ATP8B4: variants seen among roughly 807,000 people sequenced by gnomAD.
The protein encoded by ATP8B4 is probable phospholipid-transporting ATPase IM.
A neutral mutation model predicts 145.6 loss-of-function variants in ATP8B4; 133 were observed. That is an observed-to-expected ratio of 0.91 (90% CI 0.79 to 1.05). The LOEUF (loss-of-function observed/expected upper bound fraction) is 1.05, where lower values mean the gene tolerates loss of function less well. ATP8B4 is among the 50% of genes least tolerant of loss of function. The pLI, the probability that ATP8B4 is intolerant of heterozygous loss-of-function variation, is 0.00. For synonymous variants in ATP8B4, 507 were observed against 492.9 expected, an observed-to-expected ratio of 1.03 and a Z score of -0.38; for missense variants, 1,458 against 1,425.2, an observed-to-expected ratio of 1.02 and a Z score of -0.37.
At chr15:50,057,008 G>C (rs1439060910) in intron 3 of ATP8B4, among the ~76,000 whole-genome samples, 1 of 152,040 alleles carries the variant, frequency 6.6e-6, no homozygotes, top group South Asian at 2.1e-4. Flanking sequence ...TTACAGGTAT[G>C]AGCCACCACA....
At chr15:50,085,909 ATT>A (rs1491485325) in intron 2 of ATP8B4, among the ~76,000 whole-genome samples, 57 of 99,938 alleles carry the variant, frequency 5.7e-4, no homozygotes, top group African/African-American at 1.2e-3. Flanking sequence ...TATCATATAT[ATT>A]TATATATGAT....
chr15:49,992,602 G>C (rs1030864048), intron 9 of ATP8B4, among the ~76,000 whole-genome samples: 1 of 152,144 alleles, frequency 6.6e-6, no homozygotes, highest in African/African-American at 2.4e-5. Context: ...GGAGTCCCCA[G>C]TGGGAACTTC....
chr15:49,948,142 A>C (rs2042737865), intron 14 of ATP8B4, among the ~76,000 whole-genome samples: 1 of 152,144 alleles, frequency 6.6e-6, no homozygotes, highest in Admixed American at 6.5e-5. Context: ...ATCAAATGTA[A>C]AAGTCTCTGC....
At chr15:50,157,211 T>C (rs2044432928) in intron 1 of ATP8B4, among the ~76,000 whole-genome samples, 1 of 152,144 alleles carries the variant, frequency 6.6e-6, no homozygotes. Context: ...AGAAAGTTTT[T>C]TTTACCATCC....
intron 20 of ATP8B4, among the ~76,000 whole-genome samples, chr15:49,906,924 A>G (rs2038688991): frequency 6.6e-6 from 1 of 152,206 alleles, no homozygotes; most frequent in Non-Finnish European, 1.5e-5. Context: ...CCATGTGGCT[A>G]ATGGAATCCT....
intron 1 of ATP8B4, among the ~76,000 whole-genome samples, chr15:50,117,625 C>T (rs1283593749): frequency 6.6e-6 from 1 of 152,124 alleles, no homozygotes; most frequent in Non-Finnish European, 1.5e-5. Flanking sequence ...AACAGATCCA[C>T]CATATGATCC....
chr15:49,931,034 C>T, intron 16 of ATP8B4, 85 bp downstream of exon 16: 1 of 1,421,880 alleles, frequency 7.0e-7, no homozygotes. Flanking sequence ...ACCCTCAGCA[C>T]ATAGCCAAAA....
intron 10 of ATP8B4, among the ~76,000 whole-genome samples, chr15:49,984,351 A>G (rs1313550873): frequency 6.6e-6 from 1 of 152,244 alleles, no homozygotes; most frequent in Non-Finnish European, 1.5e-5. Flanking sequence ...AATAGATGAC[A>G]CATTGAACAA....
At chr15:49,957,667 A>G (rs1392874405) in intron 14 of ATP8B4, among the ~76,000 whole-genome samples, 1 of 152,088 alleles carries the variant, frequency 6.6e-6, no homozygotes, top group African/African-American at 2.4e-5. Flanking sequence ...CAGGCCAAGA[A>G]GAATTGAATG....
chr15:50,018,876 T>C (rs2049308451), intron 6 of ATP8B4: 2 of 1,156,750 alleles, frequency 1.7e-6, no homozygotes, highest in South Asian at 2.6e-5. Context: ...GCTTCGACCA[T>C]TATGTCACTT....
intron 1 of ATP8B4, among the ~76,000 whole-genome samples, chr15:50,148,256 G>A (rs1196857601): frequency 2.0e-5 from 3 of 152,042 alleles, no homozygotes; most frequent in Non-Finnish European, 4.4e-5. Flanking sequence ...AGGAAAAGCT[G>A]GGGAACTGCT....
chr15:50,038,647 T>C, intron 6 of ATP8B4, 121 bp downstream of exon 6: 1 of 747,590 alleles, frequency 1.3e-6, no homozygotes. Flanking sequence ...AAGTTCAATT[T>C]TTAATAAATT....
chr15:49,968,500 A>C (rs2153517850), intron 13 of ATP8B4, among the ~76,000 whole-genome samples: 1 of 152,320 alleles, frequency 6.6e-6, no homozygotes, highest in South Asian at 2.1e-4. Context: ...CAGACTTTAA[A>C]CCAACAAAGA....
intron 10 of ATP8B4, among the ~76,000 whole-genome samples, chr15:49,985,221 C>T (rs8027127): frequency 0.29 from 43,689 of 151,720 alleles, 6,926 homozygotes; most frequent in African/African-American, 0.42. Flanking sequence ...CTCAGCCTCC[C>T]GAGTAGCTGG....
At chr15:50,161,192 C>G (rs12591392) in intron 1 of ATP8B4, among the ~76,000 whole-genome samples, 85,715 of 151,908 alleles carry the variant, frequency 0.56, 24,867 homozygotes, top group East Asian at 0.93. Context: ...AGTTACTCCT[C>G]CTCTTTTTGG....
At chr15:49,939,600 T>A (rs1247954223) in intron 14 of ATP8B4, among the ~76,000 whole-genome samples, 1 of 152,076 alleles carries the variant, frequency 6.6e-6, no homozygotes, top group African/African-American at 2.4e-5. Flanking sequence ...TGAAATTGAA[T>A]TAGTAATTTA....
chr15:49,986,486 C>T (rs2046607951), intron 10 of ATP8B4, among the ~76,000 whole-genome samples: 2 of 152,182 alleles, frequency 1.3e-5, no homozygotes, highest in Admixed American at 6.5e-5. Context: ...AATGGCAATG[C>T]CCCAAGCGGC....
At chr15:49,895,458 A>T (rs1013389734) in intron 23 of ATP8B4, 33 of 152,266 alleles carry the variant, frequency 2.2e-4, no homozygotes, top group African/African-American at 8.0e-4. Flanking sequence ...GACTAACAAT[A>T]GATTCAAAAT....
intron 20 of ATP8B4, among the ~76,000 whole-genome samples, chr15:49,906,073 A>T (rs1295377134): frequency 6.6e-6 from 1 of 152,190 alleles, no homozygotes; most frequent in Admixed American, 6.6e-5. Flanking sequence ...GCATTTTCCA[A>T]TGTCGAAAAA....
Sources: gnomAD v4.1 joint callset for allele counts (sites outside exome capture counted in the v4.1 genomes callset) on GRCh38, gnomAD v4.1.1 for gene constraint, MANE v1.5 for transcripts, NCBI Gene and HGNC (gene_info 2026-07-23, HGNC 2026-07-21) for gene names.